Variants in TTN observed in about 807,000 individuals in gnomAD.
The protein encoded by TTN is titin, also known as connectin.
In TTN, 1,525 loss-of-function variants were observed where a neutral mutation model predicts 3,223.0. The ratio of observed to expected loss-of-function variants is 0.47; its 90% CI spans 0.45 to 0.49. The LOEUF (loss-of-function observed/expected upper bound fraction) is 0.49. TTN is among the 20% of genes least tolerant of loss of function. The pLI is 0.00. For synonymous variants in TTN, 14,094 were observed against 15,161.0 expected (o/e 0.93, Z 5.17); for missense variants, 40,786 against 43,424.0 (o/e 0.94, Z 5.40).
At position 178,590,185 on chromosome 2, in the gene TTN, C is replaced by T. The variant is rs769107925; in HGVS notation, c.61540G>A (p.Gly20514Ser). Residue 20514 changes from glycine to serine, a missense_variant, in exon 304 of 363, where the codon GGC (glycine) becomes AGC (serine). Transcript: ENST00000589042. ...CTCTTTTCTCGGACCAATACTTTGC[C>T]TTCCTTAGTCCAAGTTATGTCTGGT... ...PEPDITWTKE[G>S]KVLVREKRVD... The T allele has an allele frequency of 6.2e-7, 1 of 1,610,924 alleles. No homozygotes were observed. The highest frequency in any genetic ancestry group is 8.5e-7 in the Non-Finnish European group (1 of 1,178,494).
rs138826545 is a variant in TTN at position 178,746,632 on chromosome 2, A to T, written c.11312-4711T>A. On this transcript the variant is annotated intron_variant, in intron 47 of 362. Coordinates refer to ENST00000589042, the MANE Select transcript of TTN (RefSeq NM_001267550.2). ...TTGCTTCCCCTATGATGTTTACAGC[A>T]TGACACATGTACTCTCCCCCTTCTC... 2.6e-4 allele frequency: 414 copies of T among 1,613,240 alleles called. No homozygotes were observed. The highest frequency in any genetic ancestry group is 3.3e-4 in the Non-Finnish European group (389 of 1,179,590).
In TTN at chr2:178,534,932, T is replaced by G. The variant is rs759278414; in HGVS notation, c.101683A>C (p.Ile33895Leu). 6.2e-7 allele frequency: 1 copy of G among 1,611,794 alleles called. No homozygotes were observed. The highest frequency in any genetic ancestry group is 8.5e-7 in the Non-Finnish European group (1 of 1,179,776). ...CGCTCAAATATGTCAAGTCCTGATA[T>G]AAACTCAAAGATCATAACTAATTCT... ...MEELVMIFEF[I>L]SGLDIFERIN... The change falls in exon 358 of 363, where the codon ATA becomes CTA. Residue 33895 changes from isoleucine to leucine, a missense_variant. Ile to Leu is a conservative substitution (Grantham distance 5). Transcript: ENST00000589042.
chr2:178,742,407 T>A (rs1046664270), intron 47 of TTN, among the ~76,000 whole-genome samples: 1 of 152,148 alleles, frequency 6.6e-6, no homozygotes, highest in Non-Finnish European at 1.5e-5. Flanking sequence ...AAAGTCATTA[T>A]TAAAAATAAG....
chr2:178,548,742 G>C lies in TTN; in HGVS notation c.92884C>G (p.Pro30962Ala). Reference protein sequence around the residue: ...RPTPTAVWSKPDSNLSLRADI... With the variant: ...RPTPTAVWSKADSNLSLRADI... ...GCCCGAAGGCTAAGGTTAGAGTCTGGTTTGCTCCACACAGCTGTAGGAGTA... is the reference window on the plus strand; with the variant it reads ...GCCCGAAGGCTAAGGTTAGAGTCTGCTTTGCTCCACACAGCTGTAGGAGTA... The change falls in exon 339 of 363, where the codon CCA (proline) becomes GCA (alanine). Residue 30962 changes from proline to alanine, a missense_variant. Coordinates refer to ENST00000589042, the MANE Select transcript of TTN (RefSeq NM_001267550.2). The surrounding 1 kb of genome is among the most constrained non-coding windows in gnomAD (Gnocchi z 4.3). The C allele has an allele frequency of 6.2e-7, 1 of 1,613,708 alleles. No homozygotes were observed. The highest frequency in any genetic ancestry group is 8.5e-7 in the Non-Finnish European group (1 of 1,179,790).
At chr2:178,652,034 T>C (rs2063085987) in intron 204 of TTN, 62 bp downstream of exon 204, 1 of 1,611,526 alleles carries the variant, frequency 6.2e-7, no homozygotes, top group African/African-American at 1.3e-5. Flanking sequence ...CAAAAAAATG[T>C]TTTTACAACA....
In TTN at chr2:178,729,943, G is replaced by T; in HGVS notation, c.18310C>A (p.Pro6104Thr). 1 of 1,608,912 alleles carries T rather than the reference G, an allele frequency of 6.2e-7. No homozygotes were observed. The highest frequency in any genetic ancestry group is 1.1e-5 in the South Asian group (1 of 89,780). ...TSKATLFVKE[P>T]PQFIKKPSPV... ...CTGGGCTTCTTAATGAATTGAGGAG[G>T]TTCTAAAGATGGAAAAAGAATTGTG... Residue 6104 changes from proline to threonine, a missense_variant and splice_region_variant, in exon 63 of 363, where the codon CCT becomes ACT. Pro to Thr is a conservative substitution (Grantham distance 38). Coordinates refer to ENST00000589042, the MANE Select transcript of TTN (RefSeq NM_001267550.2).
In TTN at chr2:178,620,912, G is replaced by A. The variant is rs1267073931; in HGVS notation, c.45698C>T (p.Thr15233Ile). 2.5e-6 allele frequency: 4 copies of A among 1,612,350 alleles called. No individual in the cohort carries two copies. In the African/African-American group the frequency reaches 4.0e-5, roughly 16 times the overall value. The change falls in exon 247 of 363, where the codon ACT becomes ATT. Residue 15233 changes from threonine (T) to isoleucine (I), a missense_variant. Physicochemically the swap from Thr to Ile is moderately conservative, Grantham distance 89. Coordinates refer to ENST00000589042, the MANE Select transcript of TTN (RefSeq NM_001267550.2). ...QEVVFNCEVN[T>I]EGAKAKWFRN... ...GAACCATTTGGCTTTGGCACCTTCA[G>A]TATTGACTTCACAGTTGAAGACAAC...
chr2:178,593,647 A>G lies in TTN; in HGVS notation c.58653T>C (p.Ile19551=), dbSNP rs727504980. The G allele has an allele frequency of 2.5e-5, 40 of 1,613,018 alleles. 1 individual carries two copies. Among genetic ancestry groups the G allele is most frequent in the Non-Finnish European group, 3.4e-5 (40 of 1,179,566 alleles). The change falls in exon 298 of 363, where the codon ATT becomes ATC. Residue 19551 remains isoleucine (I), a synonymous_variant. Transcript: ENST00000589042. ...ACAGATTTTCAGCATGTATCCGGAA[A>G]ATATAATCTTTTCCTTCAAGTAGTT... The part of the protein sequence containing the change: ...VSKLLEGKDY[I]FRIHAENLYG...
At position 178,739,451 on chromosome 2, in the gene TTN, C is replaced by T. The variant is rs188071134; in HGVS notation, c.13782G>A (p.Gln4594=). The part of the protein sequence containing the change: ...GTEEVATVKI[Q]EAEGGLIKED... ...CTTTGATTAAGCCACCCTCAGCTTCCTGTATCTTTACTGTAGCAACCTCCT... is the reference window on the plus strand; with the variant it reads ...CTTTGATTAAGCCACCCTCAGCTTCTTGTATCTTTACTGTAGCAACCTCCT... Residue 4594 remains glutamine, a synonymous_variant, in exon 48 of 363, where the codon CAG becomes CAA. Coordinates refer to ENST00000589042, the MANE Select transcript of TTN (RefSeq NM_001267550.2). 3.8e-5 allele frequency: 62 copies of T among 1,613,792 alleles called. No individual in the cohort carries two copies. Among genetic ancestry groups the T allele is most frequent in the Middle Eastern group, 3.3e-4 (2 of 6,060 alleles).
Position 178,733,312 on chromosome 2 carries a change from G to T in TTN, c.15981C>A (p.Asp5327Glu), listed in dbSNP as rs1278975928. 6 of 1,613,798 alleles carry T rather than the reference G, an allele frequency of 3.7e-6. No homozygotes were observed. Among genetic ancestry groups the T allele is most frequent in the African/African-American group, 1.3e-5 (1 of 75,054 alleles). ...AAATCTCAAATGTGTATTGGCCACT[G>T]TCGTGCAGCTCAGCTGAATAAAATT... ...QLKFYSAELHDSGQYTFEISN... is the reference protein window; with the variant it reads ...QLKFYSAELHESGQYTFEISN... Residue 5327 changes from aspartate (D) to glutamate (E), a missense_variant, in exon 54 of 363, where the codon GAC becomes GAA. Transcript: ENST00000589042.
chr2:178,775,763 G>T lies in TTN; in HGVS notation c.6101C>A (p.Thr2034Lys). The change falls in exon 28 of 363, where the codon ACA (threonine) becomes AAA (lysine). Residue 2034 changes from threonine (T) to lysine (K), a missense_variant. Transcript: ENST00000589042. ...DESYEELLRK[T>K]KDELLHWTKE... ...GGTCCAGTGGAGAAGTTCATCTTTT[G>T]TCTTCCTGAGGAGTTCCTCATAGGA... 1 of 1,613,774 alleles carries T rather than the reference G, an allele frequency of 6.2e-7. No homozygotes were observed. The highest frequency in any genetic ancestry group is 8.5e-7 in the Non-Finnish European group (1 of 1,179,944).
Position 178,580,424 on chromosome 2 carries a change from A to C in TTN, c.66955T>G (p.Leu22319Val). 6.2e-7 allele frequency: 1 copy of C among 1,613,242 alleles called. No homozygotes were observed. Among genetic ancestry groups the C allele is most frequent in the Admixed American group, 1.7e-5 (1 of 59,994 alleles). The part of the protein sequence containing the change: ...DIKSTDFDTF[L>V]RCENVNKYDA... ...TATTTGTTCACATTTTCACAGCGCA[A>C]GAAAGTGTCAAAGTCAGTTGACTTT... The change falls in exon 317 of 363, where the codon TTG (leucine) becomes GTG (valine). Residue 22319 changes from leucine to valine, a missense_variant. Coordinates refer to ENST00000589042, the MANE Select transcript of TTN (RefSeq NM_001267550.2).
chr2:178,794,888 G>T, intron 7 of TTN, 34 bp downstream of exon 7: 1 of 1,597,176 alleles, frequency 6.3e-7, no homozygotes, highest in South Asian at 1.1e-5. Flanking sequence ...ACTAGAATGT[G>T]AAATAAGGAA....
rs1411214740 is a variant in TTN, at chr2:178,599,658, G to A, written c.56243C>T (p.Thr18748Ile). ...VNKLVVDDTC[T>I]LVIPQSRRSD... Reference sequence around the variant, plus strand: ...CCTGCGAGACTGCGGAATAACTAAAGTGCAAGTATCATCTACCACCAGTTT... The same window carrying A: ...CCTGCGAGACTGCGGAATAACTAAAATGCAAGTATCATCTACCACCAGTTT... Residue 18748 changes from threonine to isoleucine, a missense_variant, in exon 289 of 363, where the codon ACT becomes ATT. By Grantham distance (89) the Thr-to-Ile change is moderately conservative. Transcript: ENST00000589042. 7 of 1,612,888 alleles carry A rather than the reference G, an allele frequency of 4.3e-6. No individual in the cohort carries two copies. The East Asian group carries it at 8.9e-5, about 21-fold the overall frequency.
intron 270 of TTN, 138 bp from the exon 271 acceptor site, chr2:178,610,527 C>G: frequency 1.1e-6 from 1 of 923,080 alleles, no homozygotes. Context: ...CACTGCAGAG[C>G]ATTTAGCATC....
At chr2:178,679,567 T>G (rs1410087250) in intron 141 of TTN, 32 bp downstream of exon 141, 1 of 1,601,124 alleles carries the variant, frequency 6.2e-7, no homozygotes, top group Non-Finnish European at 8.5e-7. Flanking sequence ...AGATGAAGTC[T>G]CTTAGATACC....
At position 178,685,563 on chromosome 2, in the gene TTN, T is replaced by C; in HGVS notation, c.32347A>G (p.Lys10783Glu). 6.2e-7 allele frequency: 1 copy of C among 1,613,738 alleles called. No homozygotes were observed. Among genetic ancestry groups the C allele is most frequent in the Non-Finnish European group, 8.5e-7 (1 of 1,179,778 alleles). Reference sequence around the variant, plus strand: ...ACTCTCTTAGAAATAATGTGCAGCTTTTCTTCCACAACATATTCCTCAGGC... The same window carrying C: ...ACTCTCTTAGAAATAATGTGCAGCTCTTCTTCCACAACATATTCCTCAGGC... ...EEPEEYVVEE[K>E]LHIISKRVEA... Residue 10783 changes from lysine to glutamate, a missense_variant, in exon 128 of 363, where the codon AAG becomes GAG. By Grantham distance (56) the Lys-to-Glu change is moderately conservative. Coordinates refer to ENST00000589042, the MANE Select transcript of TTN (RefSeq NM_001267550.2).
At chr2:178,791,211 T>A (rs543759278) in intron 10 of TTN, among the ~76,000 whole-genome samples, 1 of 152,172 alleles carries the variant, frequency 6.6e-6, no homozygotes, top group African/African-American at 2.4e-5. Flanking sequence ...CCTTTGATTA[T>A]CCTAAGTAGG....
chr2:178,536,894 T>A (rs767681976), intron 356 of TTN, 44 bp downstream of exon 356: 1 of 1,492,380 alleles, frequency 6.7e-7, no homozygotes, highest in East Asian at 2.3e-5. Context: ...TATGCAAAGA[T>A]GGAACTTTAC....
Sources: allele counts gnomAD v4.1 joint callset (sites outside exome capture counted in the v4.1 genomes callset), GRCh38; gene constraint gnomAD v4.1.1; non-coding constraint Gnocchi (gnomAD v3.1); transcripts MANE v1.5; gene names NCBI Gene and HGNC (gene_info 2026-07-23, HGNC 2026-07-21).